RBBP8: variants seen among roughly 807,000 people sequenced by gnomAD.
The protein encoded by RBBP8 is DNA endonuclease RBBP8.
A neutral mutation model predicts 108.3 loss-of-function variants in RBBP8; 88 were observed. That is an observed-to-expected ratio of 0.81 (90% confidence interval 0.68 to 0.97). The LOEUF (loss-of-function observed/expected upper bound fraction) is 0.97. Ranked by LOEUF, RBBP8 falls within the 50% of genes least tolerant of loss-of-function variation. The pLI, the probability that RBBP8 is intolerant of heterozygous loss-of-function variation, is 0.00. For synonymous variants in RBBP8, 332 were observed against 348.2 expected (o/e 0.95, Z 0.52); for missense variants, 1,023 against 1,049.0 (o/e 0.98, Z 0.34).
In RBBP8 at chr18:23,026,332, C is replaced by A; in HGVS notation, c.*92C>A. ...GGTACTAAACATTGATTTTTTTGAT[C>A]TTCTGTAAATGGATTTATAAATCAG... On this transcript the variant is annotated 3_prime_UTR_variant, in exon 19 of 19. Transcript: ENST00000327155. 9.2e-7 allele frequency: 1 copy of A among 1,088,752 alleles called. No homozygotes were observed. The highest frequency in any genetic ancestry group is 1.4e-6 in the Non-Finnish European group (1 of 724,622). The allele number at this position is 1,088,752 out of a possible 1,614,324, so 67.4% of individuals were successfully genotyped here. A position where few individuals can be genotyped will look rare whatever the true frequency, so the allele number is the denominator to read the frequency against.
intron 16 of RBBP8, among the ~76,000 whole-genome samples, chr18:23,015,110 T>C (rs1032374939): frequency 2.6e-5 from 4 of 152,142 alleles, no homozygotes. Context: ...CAGGCTGGTC[T>C]CAAACCCCTG....
intron 10 of RBBP8, among the ~76,000 whole-genome samples, chr18:22,991,911 TTAAAG>T (rs1460235134): frequency 6.6e-6 from 1 of 152,202 alleles, no homozygotes; most frequent in Non-Finnish European, 1.5e-5. Context: ...TAGTAACTGA[TTAAAG>T]TAGATTTTGT....
chr18:22,998,874 A>G (rs145024428), intron 14 of RBBP8, among the ~76,000 whole-genome samples: 1 of 152,358 alleles, frequency 6.6e-6, no homozygotes, highest in East Asian at 1.9e-4. Context: ...GCCAATACCT[A>G]TTAAAAGAAA....
chr18:23,007,051 C>T (rs1407302833), intron 16 of RBBP8, among the ~76,000 whole-genome samples: 4 of 136,584 alleles, frequency 2.9e-5, no homozygotes, highest in Admixed American at 7.9e-5. Context: ...GACAGAGTTT[C>T]ACTCTGTTGC....
chr18:22,922,222 A>C (rs966062508), intron 3 of RBBP8, among the ~76,000 whole-genome samples: 17 of 152,186 alleles, frequency 1.1e-4, no homozygotes, highest in African/African-American at 4.1e-4. Context: ...CGAAGGAGAA[A>C]TAGGTGCAAA....
At chr18:22,959,645 A>G (rs943813252) in intron 4 of RBBP8, among the ~76,000 whole-genome samples, 1 of 151,686 alleles carries the variant, frequency 6.6e-6, no homozygotes, top group Non-Finnish European at 1.5e-5. Context: ...CAACCCTACT[A>G]TTGAAGTTAT....
upstream of RBBP8, chr18:22,929,523 G>GGT (rs71161348): frequency 0.4 from 47,187 of 118,410 alleles, 11,655 homozygotes; most frequent in Middle Eastern, 0.5. Flanking sequence ...GAGACAGGCG[G>GGT]GTGTGTGTGT....
chr18:22,924,011 G>A (rs538891567), intron 3 of RBBP8, among the ~76,000 whole-genome samples: 1 of 152,012 alleles, frequency 6.6e-6, no homozygotes, highest in East Asian at 1.9e-4. Context: ...CTCCAATCCT[G>A]ACTGAGAAAG....
At chr18:23,009,884 C>G (rs2046125946) in intron 16 of RBBP8, among the ~76,000 whole-genome samples, 1 of 152,230 alleles carries the variant, frequency 6.6e-6, no homozygotes, top group Non-Finnish European at 1.5e-5. Flanking sequence ...GCCTCAGCCT[C>G]CCGAGTAGCT....
intron 12 of RBBP8, 134 bp downstream of exon 12, chr18:22,993,981 C>A: frequency 1.4e-6 from 1 of 705,562 alleles, no homozygotes; most frequent in Non-Finnish European, 2.2e-6. Flanking sequence ...ATTTATAGGA[C>A]GATTCTCACA....
chr18:23,016,732 C>A, intron 16 of RBBP8, 96 bp from the exon 17 acceptor site: 1 of 956,712 alleles, frequency 1.0e-6, no homozygotes, highest in East Asian at 2.5e-5. Flanking sequence ...TTCTAACATA[C>A]TGAATAAACA....
intron 15 of RBBP8, among the ~76,000 whole-genome samples, chr18:23,004,213 C>G (rs190256886): frequency 7.2e-5 from 11 of 151,902 alleles, no homozygotes; most frequent in Non-Finnish European, 1.5e-4. Context: ...AGCCAAGATA[C>G]GGAATCAGCC....
At chr18:23,016,197 G>A (rs942109167) in intron 16 of RBBP8, among the ~76,000 whole-genome samples, 3 of 152,058 alleles carry the variant, frequency 2.0e-5, no homozygotes, top group Admixed American at 2.0e-4. Flanking sequence ...GGATTGCTTT[G>A]GCTATTGGTA....
chr18:22,929,155 T>C (rs558682928), upstream of RBBP8, among the ~76,000 whole-genome samples: 16 of 152,264 alleles, frequency 1.1e-4, no homozygotes, highest in South Asian at 3.1e-3. Flanking sequence ...AAAGCACTAA[T>C]TCAAAATTAT....
intron 4 of RBBP8, among the ~76,000 whole-genome samples, chr18:22,959,648 G>T: frequency 6.6e-6 from 1 of 151,530 alleles, no homozygotes; most frequent in South Asian, 2.1e-4. Context: ...CCCTACTATT[G>T]AAGTTATTTT....
chr18:22,972,564 C>T (rs907990062), intron 5 of RBBP8, among the ~76,000 whole-genome samples: 4 of 151,760 alleles, frequency 2.6e-5, no homozygotes, highest in Admixed American at 1.3e-4. Flanking sequence ...TAGGCACGTG[C>T]GACCACGCCC....
rs373220423 is a variant in RBBP8 at position 23,023,795 on chromosome 18, A to C, written c.2596+1525A>C. On this transcript the variant is annotated intron_variant, in intron 18 of 18. Transcript: ENST00000327155. Reference sequence around the variant, plus strand: ...TTTAATTAAGCAGGGTCCATTTCACAGACCCTTTGTTGTGAAAGTATAATT... The same window carrying C: ...TTTAATTAAGCAGGGTCCATTTCACCGACCCTTTGTTGTGAAAGTATAATT... Among the ~76,000 whole-genome samples the C allele has an allele frequency of 1.2e-4, 18 of 151,874 alleles. No individual in the cohort carries two copies. The South Asian group carries it at 3.7e-3, about 32-fold the overall frequency.
At chr18:23,021,527 C>A (rs79158560) in intron 17 of RBBP8, among the ~76,000 whole-genome samples, 3,734 of 152,238 alleles carry the variant, frequency 0.025, 74 homozygotes, top group Non-Finnish European at 0.039. Context: ...TAATTTTATC[C>A]TTGTGTGCAT....
At chr18:23,005,288 G>A (rs1269713526) in intron 15 of RBBP8, among the ~76,000 whole-genome samples, 1 of 152,208 alleles carries the variant, frequency 6.6e-6, no homozygotes. Flanking sequence ...GATTTTGAAT[G>A]TTCCCAACAC....
Sources: gnomAD v4.1 joint callset for allele counts (sites outside exome capture counted in the v4.1 genomes callset) on GRCh38, gnomAD v4.1.1 for gene constraint, MANE v1.5 for transcripts, NCBI Gene and HGNC (gene_info 2026-07-23, HGNC 2026-07-21) for gene names.